The following SLC71A2 variants were observed in gnomAD, a reference collection of about 807,000 sequenced individuals.
The protein encoded by SLC71A2 is solute carrier family 71 member 2, also known as hippocampus abundant transcript-like 1.
chr9:94,399,807 CT>C, the SLC71A2 span, among the ~76,000 whole-genome samples: 66,349 of 140,586 alleles, frequency 0.47, 15,688 homozygotes, highest in African/African-American at 0.62. Flanking sequence ...GGGAAAAAGC[CT>C]TTTTTTTTTT....
At chr9:94,387,249 C>G in the SLC71A2 span, among the ~76,000 whole-genome samples, 1 of 152,206 alleles carries the variant, frequency 6.6e-6, no homozygotes, top group African/African-American at 2.4e-5. Context: ...TTGCCACGTC[C>G]CTTTCTGCAC....
the SLC71A2 span, chr9:94,459,276 G>A: frequency 1.9e-6 from 3 of 1,614,068 alleles, no homozygotes; most frequent in East Asian, 4.5e-5. Flanking sequence ...CAAAAACACA[G>A]TAACAGCAGC....
the SLC71A2 span, among the ~76,000 whole-genome samples, chr9:94,397,837 A>G: frequency 6.6e-6 from 1 of 152,230 alleles, no homozygotes; most frequent in African/African-American, 2.4e-5. Flanking sequence ...TCATTATATC[A>G]TATCAACAGT....
chr9:94,444,996 C>T, the SLC71A2 span: 10 of 1,614,008 alleles, frequency 6.2e-6, no homozygotes, highest in South Asian at 9.9e-5. Context: ...GTCTTGTCAG[C>T]AGCCCGGCCA....
chr9:94,413,848 A>G, the SLC71A2 span, among the ~76,000 whole-genome samples: 1 of 152,226 alleles, frequency 6.6e-6, no homozygotes, highest in Non-Finnish European at 1.5e-5. Context: ...TGGGTCGTCT[A>G]AGATGGCCTT....
the SLC71A2 span, chr9:94,374,611 C>G: frequency 6.5e-6 from 1 of 153,264 alleles, no homozygotes; most frequent in Non-Finnish European, 1.5e-5. Context: ...GATAAGTGGT[C>G]GGTTCCTGGA....
At chr9:94,405,568 A>G in the SLC71A2 span, among the ~76,000 whole-genome samples, 1 of 151,704 alleles carries the variant, frequency 6.6e-6, no homozygotes. Context: ...CCTGGGCTCA[A>G]GTGATTCTCC....
the SLC71A2 span, among the ~76,000 whole-genome samples, chr9:94,401,965 G>A: frequency 6.6e-6 from 1 of 152,156 alleles, no homozygotes; most frequent in Middle Eastern, 3.2e-3. Flanking sequence ...AGACCTATAG[G>A]GTAACTTCCT....
chr9:94,427,859 C>G, the SLC71A2 span, among the ~76,000 whole-genome samples: 1 of 147,066 alleles, frequency 6.8e-6, no homozygotes, highest in Non-Finnish European at 1.5e-5. Context: ...AGCAGTGGCT[C>G]ACGCCTGTAA....
the SLC71A2 span, among the ~76,000 whole-genome samples, chr9:94,425,063 C>T: frequency 1.3e-5 from 2 of 151,778 alleles, no homozygotes; most frequent in African/African-American, 4.8e-5. Flanking sequence ...AAATGCTTGT[C>T]TGCAACAGTT....
At chr9:94,412,494 T>C in the SLC71A2 span, among the ~76,000 whole-genome samples, 1 of 152,226 alleles carries the variant, frequency 6.6e-6, no homozygotes, top group African/African-American at 2.4e-5. Context: ...CCAAGGGAAC[T>C]GGAAACATGT....
chr9:94,441,779 CAT>C, the SLC71A2 span, among the ~76,000 whole-genome samples: 1 of 152,136 alleles, frequency 6.6e-6, no homozygotes, highest in Non-Finnish European at 1.5e-5. Flanking sequence ...TCATCAAATC[CAT>C]AGTTGCTGAA....
the SLC71A2 span, among the ~76,000 whole-genome samples, chr9:94,433,599 T>C: frequency 1.3e-5 from 2 of 151,098 alleles, no homozygotes; most frequent in Non-Finnish European, 2.9e-5. Flanking sequence ...CATAAACAAG[T>C]GAAACACAAC....
chr9:94,376,485 C>T, the SLC71A2 span, among the ~76,000 whole-genome samples: 2 of 151,822 alleles, frequency 1.3e-5, no homozygotes, highest in East Asian at 1.9e-4. Context: ...ATCATTACTG[C>T]TGTCCTTAAT....
the SLC71A2 span, among the ~76,000 whole-genome samples, chr9:94,421,160 T>G: frequency 6.8e-6 from 1 of 147,518 alleles, no homozygotes; most frequent in Non-Finnish European, 1.5e-5. Context: ...GAAAATATGA[T>G]TCTATAGAAT....
chr9:94,405,148 G>T, the SLC71A2 span, among the ~76,000 whole-genome samples: 4 of 152,044 alleles, frequency 2.6e-5, no homozygotes, highest in Non-Finnish European at 4.4e-5. Flanking sequence ...TATCATTTGT[G>T]ACATATATGT....
the SLC71A2 span, among the ~76,000 whole-genome samples, chr9:94,419,103 G>A: frequency 6.6e-6 from 1 of 150,974 alleles, no homozygotes; most frequent in Non-Finnish European, 1.5e-5. Context: ...AGATAATATA[G>A]TTTTGCAATT....
chr9:94,433,434 A>G, the SLC71A2 span, among the ~76,000 whole-genome samples: 2 of 150,778 alleles, frequency 1.3e-5, no homozygotes, highest in African/African-American at 4.9e-5. Flanking sequence ...GCACTTTGGG[A>G]GGCCGAGGTG....
chr9:94,386,993 A>G, the SLC71A2 span, among the ~76,000 whole-genome samples: 1 of 151,986 alleles, frequency 6.6e-6, no homozygotes, highest in Non-Finnish European at 1.5e-5. Flanking sequence ...CTGGCTTAAA[A>G]GTTTCCTCCT....
Sources: gnomAD v4.1 joint callset for allele counts (sites outside exome capture counted in the v4.1 genomes callset) on GRCh38, gnomAD v4.1.1 for gene constraint, MANE v1.5 for transcripts, NCBI Gene and HGNC (gene_info 2026-07-23, HGNC 2026-07-21) for gene names.